Variants in THRB observed in about 807,000 individuals in gnomAD.
THRB encodes thyroid hormone receptor beta.
In THRB, 12 loss-of-function variants were observed where a neutral mutation model predicts 47.8. The observed-to-expected ratio is 0.25, with a 90% confidence interval of 0.16 to 0.41. The LOEUF (loss-of-function observed/expected upper bound fraction) is 0.41. Ranked by LOEUF, THRB falls within the 10% of genes least tolerant of loss-of-function variation. The pLI is 1.00. For missense variants in THRB, 348 were observed against 589.2 expected, an observed-to-expected ratio of 0.59 and a Z score of 4.24; for synonymous variants, 218 against 212.2, an observed-to-expected ratio of 1.03 and a Z score of -0.24.
chr3:24,399,159 A>C (rs1394918466), intron 1 of THRB, among the ~76,000 whole-genome samples: 1 of 151,816 alleles, frequency 6.6e-6, no homozygotes, highest in Non-Finnish European at 1.5e-5. Flanking sequence ...GCACACCAAC[A>C]TGGCACATGT....
At chr3:24,218,657 G>C (rs1359284150) in intron 4 of THRB, among the ~76,000 whole-genome samples, 1 of 151,868 alleles carries the variant, frequency 6.6e-6, no homozygotes, top group African/African-American at 2.4e-5. Flanking sequence ...GCTGTTGTAT[G>C]TTGTGCCCCA....
In THRB at chr3:24,314,029, T is replaced by C. The variant is rs577348020; in HGVS notation, c.-188-16658A>G. Among the ~76,000 whole-genome samples the C allele has an allele frequency of 5.3e-5, 8 of 152,334 alleles. No individual in the cohort carries two copies. The South Asian group carries it at 1.7e-3, about 32-fold the overall frequency. ...GTTCTTCTTTTCGATTCATGACCTT[T>C]GAGAAGTACTAAGAAAAGTATATTT... is the stretch of plus-strand genomic sequence containing the variant. On this transcript the variant is annotated intron_variant, in intron 2 of 10. Coordinates refer to ENST00000646209, the MANE Select transcript of THRB (RefSeq NM_001354712.2).
At chr3:24,335,255 A>G (rs2062173590) in intron 2 of THRB, among the ~76,000 whole-genome samples, 2 of 152,196 alleles carry the variant, frequency 1.3e-5, no homozygotes, top group Admixed American at 1.3e-4. Flanking sequence ...CTACTCCCAG[A>G]ACTCCCAGGT....
chr3:24,287,177 C>A (rs1576566827), intron 3 of THRB, among the ~76,000 whole-genome samples: 1 of 152,218 alleles, frequency 6.6e-6, no homozygotes, highest in South Asian at 2.1e-4. Flanking sequence ...ATATTCTTTC[C>A]TTTGCCACTG....
At chr3:24,437,502 C>A (rs138288087) in intron 1 of THRB, among the ~76,000 whole-genome samples, 1 of 152,084 alleles carries the variant, frequency 6.6e-6, no homozygotes, top group Non-Finnish European at 1.5e-5. Context: ...ATTGACTGTA[C>A]ATTTCAAAAT....
chr3:24,230,798 G>A (rs2048182758), intron 3 of THRB, among the ~76,000 whole-genome samples: 1 of 152,186 alleles, frequency 6.6e-6, no homozygotes, highest in African/African-American at 2.4e-5. Context: ...TAAGACTTGA[G>A]CTGGACTAGT....
At chr3:24,486,547 T>C (rs1697328861) in intron 1 of THRB, 1 of 152,240 alleles carries the variant, frequency 6.6e-6, no homozygotes. Flanking sequence ...CAATGATACA[T>C]GAATGCATGT....
intron 1 of THRB, among the ~76,000 whole-genome samples, chr3:24,403,371 A>G (rs2067574621): frequency 6.6e-6 from 1 of 152,024 alleles, no homozygotes; most frequent in Non-Finnish European, 1.5e-5. Flanking sequence ...TTATTAACAA[A>G]CAATTTTGGA....
At chr3:24,379,001 TTTA>T (rs1577199267) in intron 1 of THRB, among the ~76,000 whole-genome samples, 1 of 152,242 alleles carries the variant, frequency 6.6e-6, no homozygotes. Flanking sequence ...CATCATCTCA[TTTA>T]ACCCTTATAG....
At chr3:24,209,699 T>C (rs1412496632) in intron 4 of THRB, among the ~76,000 whole-genome samples, 1 of 152,058 alleles carries the variant, frequency 6.6e-6, no homozygotes, top group Non-Finnish European at 1.5e-5. Context: ...CGGGGAGGGA[T>C]AGCATTAGGA....
intron 10 of THRB, among the ~76,000 whole-genome samples, chr3:24,126,499 A>G (rs967818487): frequency 6.6e-6 from 1 of 152,204 alleles, no homozygotes; most frequent in East Asian, 1.9e-4. Context: ...TCCAATAAGC[A>G]TTTCTTGAAT....
intron 9 of THRB, among the ~76,000 whole-genome samples, chr3:24,132,330 A>G (rs1404383519): frequency 1.3e-5 from 2 of 152,218 alleles, no homozygotes; most frequent in Non-Finnish European, 2.9e-5. Flanking sequence ...TTTCCAGAAA[A>G]CATAACCCCA....
chr3:24,160,694 T>G (rs6779859), intron 5 of THRB, among the ~76,000 whole-genome samples: 24,807 of 152,114 alleles, frequency 0.16, 2,413 homozygotes, highest in African/African-American at 0.27. Flanking sequence ...GATGATGGGA[T>G]CATAAAAGCT....
chr3:24,434,218 T>C (rs1159328029), intron 1 of THRB, among the ~76,000 whole-genome samples: 1 of 152,188 alleles, frequency 6.6e-6, no homozygotes, highest in Non-Finnish European at 1.5e-5. Flanking sequence ...TTCGGTGTTT[T>C]ACAAATGATG....
intron 8 of THRB, among the ~76,000 whole-genome samples, chr3:24,140,404 A>T (rs1015334501): frequency 2.0e-5 from 3 of 152,168 alleles, no homozygotes; most frequent in African/African-American, 4.8e-5. Flanking sequence ...TACAGCTGCC[A>T]TCAAATGGCA....
chr3:24,245,488 G>A (rs2050019036), intron 3 of THRB, among the ~76,000 whole-genome samples: 1 of 152,134 alleles, frequency 6.6e-6, no homozygotes, highest in Non-Finnish European at 1.5e-5. Context: ...GAAGTGCAGA[G>A]GGCCATTAGT....
chr3:24,446,129 A>G (rs912217882), intron 1 of THRB, among the ~76,000 whole-genome samples: 1 of 152,222 alleles, frequency 6.6e-6, no homozygotes, highest in Non-Finnish European at 1.5e-5. Context: ...ATTAAAGAAT[A>G]AAAACAATAC....
At chr3:24,204,664 A>C (rs531528788) in intron 4 of THRB, among the ~76,000 whole-genome samples, 2 of 152,226 alleles carry the variant, frequency 1.3e-5, no homozygotes, top group African/African-American at 4.8e-5. Context: ...AATGACTCTG[A>C]CAAGTTGAGA....
At chr3:24,177,964 C>T (rs1056893757) in intron 5 of THRB, among the ~76,000 whole-genome samples, 1 of 151,936 alleles carries the variant, frequency 6.6e-6, no homozygotes, top group South Asian at 2.1e-4. Flanking sequence ...GTCTTCAGAC[C>T]GTGGACAATG....
Sources: allele counts gnomAD v4.1 joint callset (sites outside exome capture counted in the v4.1 genomes callset), GRCh38; gene constraint gnomAD v4.1.1; transcripts MANE v1.5; gene names NCBI Gene and HGNC (gene_info 2026-07-23, HGNC 2026-07-21).